The following NFKB2 variants were observed in gnomAD, a reference collection of about 807,000 sequenced individuals.
NFKB2 encodes nuclear factor NF-kappa-B p100 subunit.
Under a neutral mutation model 109.3 loss-of-function variants are expected in NFKB2, and 21 were observed. The observed-to-expected ratio is 0.19, with a 90% confidence interval of 0.14 to 0.28. The LOEUF (loss-of-function observed/expected upper bound fraction) is 0.28, where lower values mean the gene tolerates loss of function less well. NFKB2 is among the 10% of genes least tolerant of loss of function. The pLI is 1.00. For synonymous variants in NFKB2, 478 were observed against 489.9 expected (o/e 0.98, Z 0.32); for missense variants, 806 against 1,185.3 (o/e 0.68, Z 4.70).
Position 102,399,317 on chromosome 10 carries a change from C to G in NFKB2, c.1147C>G (p.Leu383Val). ...GGSLGFFPSSLAYSPYQSGAG... is the reference protein window; with the variant it reads ...GGSLGFFPSSVAYSPYQSGAG... ...CAGCCTCGGTTTCTTCCCCTCCTCC[C>G]TGGCCTACAGCCCCTACCAGTCCGG... The change falls in exon 13 of 23, where the codon CTG becomes GTG. Residue 383 changes from leucine to valine, a missense_variant. By Grantham distance (32) the Leu-to-Val change is conservative. Transcript: ENST00000661543. The G allele has an allele frequency of 6.3e-7, 1 of 1,598,156 alleles. No individual in the cohort carries two copies. The highest frequency in any genetic ancestry group is 8.5e-7 in the Non-Finnish European group (1 of 1,172,950).
Position 102,400,646 on chromosome 10 carries a change from C to T in NFKB2, c.1799-9C>T. The T allele has an allele frequency of 6.2e-7, 1 of 1,613,206 alleles. No individual in the cohort carries two copies. The highest frequency in any genetic ancestry group is 8.5e-7 in the Non-Finnish European group (1 of 1,179,396). ...TCACAGCTGCAGGTTGAGCATCCTG[C>T]ATCCTTAGGACTGTATCCAGTACAC... On this transcript the variant is annotated splice_polypyrimidine_tract_variant and intron_variant, in intron 16 of 22. Coordinates refer to ENST00000661543, the MANE Select transcript of NFKB2 (RefSeq NM_001322934.2). The surrounding 1 kb of genome is among the most constrained non-coding windows in gnomAD (Gnocchi z 6.3).
rs1194830062 is a variant in NFKB2, at chr10:102,397,266, C to G, written c.396-36C>G. ...GGAAAGGTGCCTCAGGAAGAAAGAA[C>G]TGCATGGCCAAAGGCCTCCGATTCT... is the stretch of plus-strand genomic sequence containing the variant. On this transcript the variant is annotated intron_variant, in intron 6 of 22. Coordinates refer to ENST00000661543, the MANE Select transcript of NFKB2 (RefSeq NM_001322934.2). The surrounding 1 kb of genome is among the most constrained non-coding windows in gnomAD (Gnocchi z 4.7). The G allele has an allele frequency of 6.3e-7, 1 of 1,598,988 alleles. No individual in the cohort carries two copies. The highest frequency in any genetic ancestry group is 1.7e-5 in the Admixed American group (1 of 59,774).
At position 102,396,122 on chromosome 10, in the gene NFKB2, TGCCTCCAAAAGGA is replaced by T. The variant is rs2061106079; in HGVS notation, c.22-128_22-116del. 20 of 1,457,314 alleles carry T rather than the reference TGCCTCCAAAAGGA, an allele frequency of 1.4e-5. No homozygotes were observed. The South Asian group carries it at 2.3e-4, about 17-fold the overall frequency. The allele number at this position is 1,457,314 out of a possible 1,614,324, so 90.3% of individuals were successfully genotyped here. A position where few individuals can be genotyped will look rare whatever the true frequency, so the allele number is the denominator to read the frequency against. ...CAGTCTGTCCATCTGTCTGCAACTC[TGCCTCCAAAAGGA>T]GCTTTCTCTTGGGTCTGAGGAGGAG... On this transcript the variant is annotated intron_variant, in intron 2 of 22. Transcript: ENST00000661543. The surrounding 1 kb of genome is among the most constrained non-coding windows in gnomAD (Gnocchi z 5.9).
rs137919911 is a variant in NFKB2, at chr10:102,399,236, TG to T, written c.1118-49del. On this transcript the variant is annotated intron_variant, in intron 12 of 22. Coordinates refer to ENST00000661543, the MANE Select transcript of NFKB2 (RefSeq NM_001322934.2). ...GTCTCAAAAAAAAAAAAAAAAAATC[TG>T]GGAGAGTCATGGCTGGTGCCCGCTT... The T allele has an allele frequency of 0.011, 15,142 of 1,406,948 alleles. 1,300 individuals carry two copies. In the African/African-American group the frequency reaches 0.19, roughly 18 times the overall value. The allele number at this position is 1,406,948 out of a possible 1,614,324, so 87.2% of individuals were successfully genotyped here. A position where few individuals can be genotyped will look rare whatever the true frequency, so the allele number is the denominator to read the frequency against.
Position 102,399,369 on chromosome 10 carries a change from G to T in NFKB2, c.1199G>T (p.Gly400Val). ...GCGGGCCCCATGGGCTGCTACCCGG[G>T]AGGCGGGGGCGGGGCGCAGATGGCC... ...SGAGPMGCYP[G>V]GGGGAQMAAT... The change falls in exon 13 of 23, where the codon GGA becomes GTA. Residue 400 changes from glycine (G) to valine (V), a missense_variant. Gly to Val is a moderately radical substitution (Grantham distance 109). Transcript: ENST00000661543. 6.4e-7 allele frequency: 1 copy of T among 1,553,502 alleles called. No individual in the cohort carries two copies. The highest frequency in any genetic ancestry group is 8.7e-7 in the Non-Finnish European group (1 of 1,150,730).
chr10:102,398,554 G>A lies in NFKB2; in HGVS notation c.991+31G>A. 6.2e-7 allele frequency: 1 copy of A among 1,610,940 alleles called. No individual in the cohort carries two copies. Among genetic ancestry groups the A allele is most frequent in the Non-Finnish European group, 8.5e-7 (1 of 1,177,838 alleles). On this transcript the variant is annotated intron_variant, in intron 11 of 22. Transcript: ENST00000661543. The surrounding 1 kb of genome is among the most constrained non-coding windows in gnomAD (Gnocchi z 6.6). ...GCTGGGCTGAGGACCTCAGGGTGCT[G>A]GCGGGGGGCCAGGCTGGGCTAGAAG...
Position 102,401,110 on chromosome 10 carries a change from A to T in NFKB2, c.2071+61A>T. 6.2e-7 allele frequency: 1 copy of T among 1,611,332 alleles called. No homozygotes were observed. Among genetic ancestry groups the T allele is most frequent in the Non-Finnish European group, 8.5e-7 (1 of 1,177,872 alleles). ...GGGGGAAGGGAGAGAGGTGCCTCCC[A>T]GTCCCCCGACTTTGCAGTCCTTAAT... On this transcript the variant is annotated intron_variant, in intron 18 of 22. Coordinates refer to ENST00000661543, the MANE Select transcript of NFKB2 (RefSeq NM_001322934.2). This position sits in a 1 kb window ranked among gnomAD's most constrained non-coding sequence, Gnocchi z 4.2.
Position 102,402,388 on chromosome 10 carries a change from C to T in NFKB2, c.*12C>T, listed in dbSNP as rs763035155. The T allele has an allele frequency of 6.7e-7, 1 of 1,483,440 alleles. No individual in the cohort carries two copies. Among genetic ancestry groups the T allele is most frequent in the Admixed American group, 2.2e-5 (1 of 45,764 alleles). The allele number at this position is 1,483,440 out of a possible 1,614,324, so 91.9% of individuals were successfully genotyped here. ...CTCAGGTGCACTGACCTGCTGCCTG[C>T]CCCCAGCCCCCTTCCCGGACCCCCT... is the stretch of plus-strand genomic sequence containing the variant. On this transcript the variant is annotated 3_prime_UTR_variant, in exon 23 of 23. Coordinates refer to ENST00000661543, the MANE Select transcript of NFKB2 (RefSeq NM_001322934.2).
In NFKB2 at chr10:102,398,227, G is replaced by T; in HGVS notation, c.782G>T (p.Arg261Leu). 1 of 1,614,102 alleles carries T rather than the reference G, an allele frequency of 6.2e-7. No individual in the cohort carries two copies. The highest frequency in any genetic ancestry group is 8.5e-7 in the Non-Finnish European group (1 of 1,180,010). Residue 261 changes from arginine to leucine, a missense_variant, in exon 10 of 23, where the codon CGG (arginine) becomes CTG (leucine). This residue lies in a region of NFKB2 where 64 missense variants were observed against 177.4 expected (regional missense o/e 0.36). Coordinates refer to ENST00000661543, the MANE Select transcript of NFKB2 (RefSeq NM_001322934.2). The surrounding 1 kb of genome is among the most constrained non-coding windows in gnomAD (Gnocchi z 6.6). ...TTCCTTGTAGATGACATTGAGGTTC[G>T]GTTCTATGAGGATGATGAGAATGGA... The part of the protein sequence containing the change: ...DKVQKDDIEV[R>L]FYEDDENGWQ...
In NFKB2 at chr10:102,401,134, A is replaced by G. The variant is rs2061234445; in HGVS notation, c.2072-46A>G. ...CAGTCCCCCGACTTTGCAGTCCTTA[A>G]TGTAGGCCCCCACCATACCGCCCCA... On this transcript the variant is annotated intron_variant, in intron 18 of 22. Transcript: ENST00000661543. This position sits in a 1 kb window ranked among gnomAD's most constrained non-coding sequence, Gnocchi z 4.2. The G allele has an allele frequency of 1.2e-6, 2 of 1,604,712 alleles. No individual in the cohort carries two copies. The highest frequency in any genetic ancestry group is 2.2e-5 in the South Asian group (2 of 90,526).
Position 102,396,038 on chromosome 10 carries a change from T to C in NFKB2, c.21+58T>C, listed in dbSNP as rs956319295. On this transcript the variant is annotated intron_variant, in intron 2 of 22. Transcript: ENST00000661543. This position sits in a 1 kb window ranked among gnomAD's most constrained non-coding sequence, Gnocchi z 5.9. ...GCTGCCCCTCGTGTCTGTCCACCTGTCTGCCCGAGCCCCCTCTGCTGCCTT... is the reference window on the plus strand; with the variant it reads ...GCTGCCCCTCGTGTCTGTCCACCTGCCTGCCCGAGCCCCCTCTGCTGCCTT... The C allele has an allele frequency of 1.2e-5, 19 of 1,607,076 alleles. No homozygotes were observed. Among genetic ancestry groups the C allele is most frequent in the Non-Finnish European group, 1.5e-5 (18 of 1,177,204 alleles).
chr10:102,395,093 G>T (rs1424053077), upstream of NFKB2, among the ~76,000 whole-genome samples: 1 of 32,790 alleles, frequency 3.0e-5, no homozygotes, highest in Non-Finnish European at 6.5e-5. Context: ...ACACACTCTT[G>T]TATTAGGTGG....
In NFKB2 at chr10:102,398,936, G is replaced by C. The variant is rs564706320; in HGVS notation, c.1117+72G>C. 1.2e-4 allele frequency: 181 copies of C among 1,492,052 alleles called. 1 individual carries two copies. In the African/African-American group the frequency reaches 2.0e-3, roughly 17 times the overall value. The allele number at this position is 1,492,052 out of a possible 1,614,324, so 92.4% of individuals were successfully genotyped here. A position where few individuals can be genotyped will look rare whatever the true frequency, so the allele number is the denominator to read the frequency against. On this transcript the variant is annotated intron_variant, in intron 12 of 22. Transcript: ENST00000661543. The surrounding 1 kb of genome is among the most constrained non-coding windows in gnomAD (Gnocchi z 6.6). ...GGAGGAAAAAAATCTGGGGGAGGCC[G>C]GGCGTGGTGGCTCACGCCTGTAATC...
At position 102,398,017 on chromosome 10, in the gene NFKB2, T is replaced by C; in HGVS notation, c.698T>C (p.Met233Thr). Residue 233 changes from methionine (M) to threonine (T), a missense_variant, in exon 9 of 23, where the codon ATG (methionine) becomes ACG (threonine). By Grantham distance (81) the Met-to-Thr change is moderately conservative (BLOSUM62 -1). Coordinates refer to ENST00000661543, the MANE Select transcript of NFKB2 (RefSeq NM_001322934.2). The surrounding 1 kb of genome is among the most constrained non-coding windows in gnomAD (Gnocchi z 6.6). ...GCATCAAACCTGAAGATTTCTCGAA[T>C]GGACAAGACAGCAGGCTCTGTGCGG... Reference protein sequence around the residue: ...PGASNLKISRMDKTAGSVRGG... With the variant: ...PGASNLKISRTDKTAGSVRGG... The C allele has an allele frequency of 6.2e-7, 1 of 1,614,164 alleles. No homozygotes were observed. Among genetic ancestry groups the C allele is most frequent in the Non-Finnish European group, 8.5e-7 (1 of 1,180,012 alleles).
Position 102,399,516 on chromosome 10 carries a change from G to GGGCGGTCGGGGCGCC in NFKB2, c.1327+22_1327+36dup. The GGGCGGTCGGGGCGCC allele has an allele frequency of 1.3e-6, 2 of 1,499,100 alleles. No individual in the cohort carries two copies. Among genetic ancestry groups the GGGCGGTCGGGGCGCC allele is most frequent in the Non-Finnish European group, 1.8e-6 (2 of 1,123,074 alleles). The allele number at this position is 1,499,100 out of a possible 1,614,324, so 92.9% of individuals were successfully genotyped here. A position where few individuals can be genotyped will look rare whatever the true frequency, so the allele number is the denominator to read the frequency against. ...CAGCGAGGTATGGACTCCGGGGCAC[G>GGGCGGTCGGGGCGCC]GGCGGTCGGGGCGCCGGGGCTGAGG... On this transcript the variant is annotated intron_variant, in intron 13 of 22. Coordinates refer to ENST00000661543, the MANE Select transcript of NFKB2 (RefSeq NM_001322934.2).
chr10:102,400,214 G>T lies in NFKB2; in HGVS notation c.1584+20G>T, dbSNP rs373455972. ...CACCAGGTGCGGGGGCGCCTACTGGGGAGGTGGGAGGGGTTGGAAGGCAAG... is the reference window on the plus strand; with the variant it reads ...CACCAGGTGCGGGGGCGCCTACTGGTGAGGTGGGAGGGGTTGGAAGGCAAG... On this transcript the variant is annotated intron_variant, in intron 15 of 22. Transcript: ENST00000661543. The surrounding 1 kb of genome is among the most constrained non-coding windows in gnomAD (Gnocchi z 6.3). The T allele has an allele frequency of 1.2e-6, 2 of 1,613,984 alleles. No homozygotes were observed. The highest frequency in any genetic ancestry group is 1.7e-6 in the Non-Finnish European group (2 of 1,179,932).
In NFKB2 at chr10:102,400,474, A is replaced by G. The variant is rs538227530; in HGVS notation, c.1781A>G (p.His594Arg). The G allele has an allele frequency of 3.1e-6, 5 of 1,608,226 alleles. No homozygotes were observed. The African/African-American group carries it at 5.3e-5, about 17-fold the overall frequency. ...GCTCCTGCTGTGCCCCAGCTGTTGC[A>G]TATGCCTGACTTTGAGGGTGAGCTC... ...SGAPAVPQLLHMPDFEGLYPV... is the reference protein window; with the variant it reads ...SGAPAVPQLLRMPDFEGLYPV... Residue 594 changes from histidine (H) to arginine (R), a missense_variant, in exon 16 of 23, where the codon CAT (histidine) becomes CGT (arginine). By Grantham distance (29) the His-to-Arg change is conservative. This residue lies in a region of NFKB2 where 163 missense variants were observed against 207.1 expected (regional missense o/e 0.79). Coordinates refer to ENST00000661543, the MANE Select transcript of NFKB2 (RefSeq NM_001322934.2). The surrounding 1 kb of genome is among the most constrained non-coding windows in gnomAD (Gnocchi z 6.3).
rs1264953658 is a variant in NFKB2 at position 102,396,856 on chromosome 10, G to C, written c.243+33G>C. Reference sequence around the variant, plus strand: ...AGGATGGTGCTGGAGGGTGGGCTAAGTGGACAGCATGCCCAAGGCCCTGAC... The same window carrying C: ...AGGATGGTGCTGGAGGGTGGGCTAACTGGACAGCATGCCCAAGGCCCTGAC... On this transcript the variant is annotated intron_variant, in intron 5 of 22. Transcript: ENST00000661543. The surrounding 1 kb of genome is among the most constrained non-coding windows in gnomAD (Gnocchi z 5.9). 3 of 1,602,990 alleles carry C rather than the reference G, an allele frequency of 1.9e-6. No individual in the cohort carries two copies. Among genetic ancestry groups the C allele is most frequent in the Non-Finnish European group, 2.6e-6 (3 of 1,170,584 alleles).
rs146926941 is a variant in NFKB2 at position 102,398,453 on chromosome 10, G to A, written c.921G>A (p.Leu307=). 5.7e-4 allele frequency: 923 copies of A among 1,614,186 alleles called. 2 individuals carry two copies. The highest frequency in any genetic ancestry group is 7.0e-4 in the Non-Finnish European group (824 of 1,180,040). Residue 307 remains leucine, a synonymous_variant, in exon 11 of 23, where the codon CTG becomes CTA. Coordinates refer to ENST00000661543, the MANE Select transcript of NFKB2 (RefSeq NM_001322934.2). This position sits in a 1 kb window ranked among gnomAD's most constrained non-coding sequence, Gnocchi z 6.6. The stretch of plus-strand genomic sequence containing the variant: ...TTGAGCGGCCTGTAACAGTGTTTCT[G>A]CAACTGAAACGCAAGCGAGGAGGGG... ...MKIERPVTVF[L]QLKRKRGGDV...
Sources: allele counts gnomAD v4.1 joint callset (sites outside exome capture counted in the v4.1 genomes callset), GRCh38; gene constraint gnomAD v4.1.1; regional missense constraint gnomAD v4.1.1; non-coding constraint Gnocchi (gnomAD v3.1); transcripts MANE v1.5; gene names NCBI Gene and HGNC (gene_info 2026-07-23, HGNC 2026-07-21).